TCEANC2: variants seen among roughly 807,000 people sequenced by gnomAD.
TCEANC2 encodes the protein transcription elongation factor A N-terminal and central domain containing 2, also known as transcription elongation factor A N-terminal and central domain-containing protein 2.
A neutral mutation model predicts 22.8 loss-of-function variants in TCEANC2; 20 were observed. The ratio of observed to expected loss-of-function variants is 0.88; its 90% CI spans 0.62 to 1.28. The LOEUF is 1.28. Among genes scored for constraint, TCEANC2 ranks in the 50% most tolerant of loss-of-function variants. The pLI, the probability that TCEANC2 is intolerant of heterozygous loss-of-function variation, is 0.00. For missense variants in TCEANC2, 251 were observed against 249.7 expected, an observed-to-expected ratio of 1.01 and a Z score of -0.03; for synonymous variants, 84 against 95.5, an observed-to-expected ratio of 0.88 and a Z score of 0.70.
chr1:54,062,885 T>C (rs1657884787), intron 2 of TCEANC2, among the ~76,000 whole-genome samples: 2 of 152,242 alleles, frequency 1.3e-5, no homozygotes, highest in Admixed American at 6.5e-5. Flanking sequence ...TATGCCATGC[T>C]AAAGAGTTTG....
At chr1:54,094,431 A>C (rs1658506180) in intron 4 of TCEANC2, among the ~76,000 whole-genome samples, 2 of 152,196 alleles carry the variant, frequency 1.3e-5, no homozygotes, top group African/African-American at 2.4e-5. Context: ...AATTTATCAC[A>C]AAGTAAACAC....
chr1:54,094,029 A>G (rs1022517333), intron 4 of TCEANC2, among the ~76,000 whole-genome samples: 1 of 152,194 alleles, frequency 6.6e-6, no homozygotes, highest in Non-Finnish European at 1.5e-5. Flanking sequence ...GTGCCCGGAA[A>G]GGAAGCCTGG....
intron 2 of TCEANC2, among the ~76,000 whole-genome samples, chr1:54,057,829 G>A (rs865881432): frequency 1.3e-5 from 2 of 152,068 alleles, no homozygotes; most frequent in Non-Finnish European, 1.5e-5. Flanking sequence ...TTTTATTTAT[G>A]CCTCATCCAA....
At position 54,099,000 on chromosome 1, in the gene TCEANC2, G is replaced by A. The variant is rs996791437; in HGVS notation, c.*2527G>A. On this transcript the variant is annotated 3_prime_UTR_variant, in exon 5 of 5. Transcript: ENST00000234827. ...AGCTGGAGATGAGGCAGGAGAGGAA[G>A]GCAAGGACCAGGATCAGGTTTGAAG... The A allele has an allele frequency of 2.0e-5, 3 of 152,646 alleles. No individual in the cohort carries two copies. The highest frequency in any genetic ancestry group is 7.2e-5 in the African/African-American group (3 of 41,446). The allele number at this position is 152,646 out of a possible 1,614,324, so 9.5% of individuals were successfully genotyped here.
chr1:54,104,170 G>A lies in TCEANC2; in HGVS notation c.*7697G>A, dbSNP rs1487471831. 1 of 154,586 alleles carries A rather than the reference G, an allele frequency of 6.5e-6. No individual in the cohort carries two copies. The highest frequency in any genetic ancestry group is 6.4e-5 in the Admixed American group (1 of 15,714). 9.6% of individuals were successfully genotyped at this position (154,586 alleles called of 1,614,324 possible). On this transcript the variant is annotated 3_prime_UTR_variant, in exon 5 of 5. Transcript: ENST00000234827. Reference sequence around the variant, plus strand: ...TGTCTCCAATAGGTAGAATACATGAGTCCAGGAACCAAGAAATGAAAGCAG... The same window carrying A: ...TGTCTCCAATAGGTAGAATACATGAATCCAGGAACCAAGAAATGAAAGCAG...
intron 2 of TCEANC2, among the ~76,000 whole-genome samples, chr1:54,067,098 G>A (rs1039823120): frequency 2.6e-5 from 4 of 152,230 alleles, no homozygotes; most frequent in Non-Finnish European, 5.9e-5. Context: ...CCTGGGGTTG[G>A]TGGACAGAGA....
downstream of TCEANC2, among the ~76,000 whole-genome samples, chr1:54,107,903 G>A (rs908024984): frequency 4.6e-5 from 7 of 152,158 alleles, no homozygotes; most frequent in Non-Finnish European, 1.0e-4. Flanking sequence ...CTAAGTAAGA[G>A]AATATTTTGT....
intron 3 of TCEANC2, among the ~76,000 whole-genome samples, chr1:54,087,993 G>A (rs1212051043): frequency 6.6e-6 from 1 of 152,150 alleles, no homozygotes; most frequent in Non-Finnish European, 1.5e-5. Context: ...TTAAGGGTGC[G>A]AAGTACTTCT....
At chr1:54,075,862 A>G (rs962129611) in intron 3 of TCEANC2, among the ~76,000 whole-genome samples, 1 of 152,020 alleles carries the variant, frequency 6.6e-6, no homozygotes, top group African/African-American at 2.4e-5. Flanking sequence ...AAAAATATAA[A>G]AATTAGCTGG....
intron 3 of TCEANC2, among the ~76,000 whole-genome samples, chr1:54,087,445 T>C (rs1658360279): frequency 2.0e-5 from 3 of 152,220 alleles, no homozygotes; most frequent in Admixed American, 2.0e-4. Flanking sequence ...TGCTGAGGTA[T>C]TTTAAAGTAG....
Position 54,075,516 on chromosome 1 carries a change from G to T in TCEANC2, c.244+6619G>T, listed in dbSNP as rs1170553194. The stretch of plus-strand genomic sequence containing the variant: ...GGCCTGATTATAAAGAAACTTAAAA[G>T]CTAGCCATTAGGGTATGGACTTTTC... On this transcript the variant is annotated intron_variant, in intron 3 of 4. Transcript: ENST00000234827. Among the ~76,000 whole-genome samples, 5 of 152,302 alleles carry T rather than the reference G, an allele frequency of 3.3e-5. No homozygotes were observed. In the East Asian group the frequency reaches 9.6e-4, roughly 29 times the overall value.
chr1:54,088,429 T>C (rs1188702120), intron 3 of TCEANC2, among the ~76,000 whole-genome samples, 168 bp from the exon 4 acceptor site: 1 of 152,226 alleles, frequency 6.6e-6, no homozygotes, highest in Non-Finnish European at 1.5e-5. Context: ...CCCCAGTGAT[T>C]ATCTTATTAT....
At chr1:54,056,952 G>C (rs1415221446) in intron 2 of TCEANC2, among the ~76,000 whole-genome samples, 5 of 151,914 alleles carry the variant, frequency 3.3e-5, no homozygotes, top group Middle Eastern at 3.4e-3. Flanking sequence ...TGAGCTGGGA[G>C]GATTGCTTGA....
chr1:54,110,126 G>A (rs543163039), downstream of TCEANC2, among the ~76,000 whole-genome samples: 1 of 152,330 alleles, frequency 6.6e-6, no homozygotes, highest in East Asian at 1.9e-4. Flanking sequence ...GTACTCTGCA[G>A]TTTGCCTTAG....
chr1:54,070,211 T>C (rs578085767), intron 3 of TCEANC2, among the ~76,000 whole-genome samples: 1 of 152,208 alleles, frequency 6.6e-6, no homozygotes, highest in Non-Finnish European at 1.5e-5. Context: ...TCCCATCTGC[T>C]GCTGGATTTT....
At chr1:54,078,587 G>C (rs1204006728) in intron 3 of TCEANC2, among the ~76,000 whole-genome samples, 2 of 152,086 alleles carry the variant, frequency 1.3e-5, no homozygotes, top group African/African-American at 4.8e-5. Flanking sequence ...CTAGAGTTTT[G>C]TTCTTACATA....
At chr1:54,089,736 A>G (rs1416588749) in intron 4 of TCEANC2, 1 of 280,140 alleles carries the variant, frequency 3.6e-6, no homozygotes, top group Non-Finnish European at 6.6e-6. Context: ...TCAATTTTTT[A>G]TCTACAAAAG....
rs1658690484 is a variant in TCEANC2, at chr1:54,103,168, A to C, written c.*6695A>C. 6.6e-6 allele frequency: 1 copy of C among 152,314 alleles called. No homozygotes were observed. The allele number at this position is 152,314 out of a possible 1,614,324, so 9.4% of individuals were successfully genotyped here. A position where few individuals can be genotyped will look rare whatever the true frequency, so the allele number is the denominator to read the frequency against. ...AATGTACACACAGTTGACATCAACC[A>C]GTCTCTGAGGCCACCCCAGAGCTGA... is the stretch of plus-strand genomic sequence containing the variant. On this transcript the variant is annotated 3_prime_UTR_variant, in exon 5 of 5. Coordinates refer to ENST00000234827, the MANE Select transcript of TCEANC2 (RefSeq NM_153035.3).
chr1:54,083,239 G>T (rs539165118), intron 3 of TCEANC2, among the ~76,000 whole-genome samples: 37 of 152,264 alleles, frequency 2.4e-4, no homozygotes, highest in African/African-American at 8.7e-4. Flanking sequence ...GAGAACCTTT[G>T]GCTAGGGACA....
Sources: gnomAD v4.1 joint callset for allele counts (sites outside exome capture counted in the v4.1 genomes callset) on GRCh38, gnomAD v4.1.1 for gene constraint, MANE v1.5 for transcripts, NCBI Gene and HGNC (gene_info 2026-07-23, HGNC 2026-07-21) for gene names.